Variants in PAWR observed in about 807,000 individuals in gnomAD.
PAWR encodes the protein PRKC apoptosis WT1 regulator protein.
PAWR carries 23 observed loss-of-function variants against 32.0 expected under a neutral mutation model. That is an observed-to-expected ratio of 0.72 (90% CI 0.52 to 1.02). The LOEUF is 1.02. Among genes scored for constraint, PAWR ranks in the 50% least tolerant of loss-of-function variants. PAWR has a pLI of 0.00. For synonymous variants in PAWR, 226 were observed against 187.1 expected (o/e 1.21, Z -1.70); for missense variants, 457 against 437.7 (o/e 1.04, Z -0.39).
At chr12:79,599,314 G>A (rs1873875496) in intron 4 of PAWR, among the ~76,000 whole-genome samples, 1 of 152,174 alleles carries the variant, frequency 6.6e-6, no homozygotes, top group African/African-American at 2.4e-5. Flanking sequence ...ATGAATTAGT[G>A]TTTAATAATA....
At chr12:79,630,484 T>A (rs1016574356) in intron 2 of PAWR, among the ~76,000 whole-genome samples, 5 of 151,948 alleles carry the variant, frequency 3.3e-5, no homozygotes, top group Non-Finnish European at 1.5e-5. Flanking sequence ...ATTTTTAGTA[T>A]AAGAGACGGG....
At chr12:79,631,764 A>G (rs1269043701) in intron 2 of PAWR, among the ~76,000 whole-genome samples, 1 of 152,218 alleles carries the variant, frequency 6.6e-6, no homozygotes, top group Non-Finnish European at 1.5e-5. Flanking sequence ...CAGTTTTTGT[A>G]GAAACTATCA....
chr12:79,655,424 AGG>A (rs1173032395), intron 2 of PAWR, among the ~76,000 whole-genome samples: 1 of 152,220 alleles, frequency 6.6e-6, no homozygotes, highest in African/African-American at 2.4e-5. Context: ...ACTAAAACAT[AGG>A]TTCTTATTCC....
In PAWR at chr12:79,689,965, C is replaced by T; in HGVS notation, c.280G>A (p.Gly94Ser). 1 of 1,373,662 alleles carries T rather than the reference C, an allele frequency of 7.3e-7. No individual in the cohort carries two copies. Among genetic ancestry groups the T allele is most frequent in the Non-Finnish European group, 9.3e-7 (1 of 1,071,116 alleles). The allele number at this position is 1,373,662 out of a possible 1,614,324, so 85.1% of individuals were successfully genotyped here. ...GCCGCCCGCGTCAGCATGGCGGAGC[C>T]GACCGCGCAGTTCACGCCCCCGGGA... ...PGPGGVNCAV[G>S]SAMLTRAAPG... The change falls in exon 2 of 7, where the codon GGC becomes AGC. Residue 94 changes from glycine (G) to serine (S), a missense_variant. By Grantham distance (56) the Gly-to-Ser change is moderately conservative (BLOSUM62 0). Transcript: ENST00000328827.
At chr12:79,605,089 A>G (rs993774856) in intron 4 of PAWR, among the ~76,000 whole-genome samples, 8 of 152,062 alleles carry the variant, frequency 5.3e-5, no homozygotes, top group African/African-American at 1.2e-4. Flanking sequence ...CTTTTTTGTA[A>G]TATGTTCTCT....
At chr12:79,636,483 C>CA (rs1037980334) in intron 2 of PAWR, among the ~76,000 whole-genome samples, 2 of 152,016 alleles carry the variant, frequency 1.3e-5, no homozygotes, top group Non-Finnish European at 2.9e-5. Flanking sequence ...ACTAACTAAA[C>CA]AAGAAAATAC....
chr12:79,663,514 G>A (rs562722902), intron 2 of PAWR, among the ~76,000 whole-genome samples: 26 of 152,164 alleles, frequency 1.7e-4, no homozygotes, highest in Non-Finnish European at 2.9e-4. Flanking sequence ...ATTTTACACC[G>A]TGGGAAGCTG....
At chr12:79,594,564 C>T (rs61927413) in intron 5 of PAWR, 131 bp from the exon 6 acceptor site, 10,437 of 576,040 alleles carry the variant, frequency 0.018, 136 homozygotes, top group Middle Eastern at 0.044. Context: ...TCCCTTAAGA[C>T]ATTTGGTGAA....
chr12:79,608,425 G>A (rs1039994559), intron 4 of PAWR, among the ~76,000 whole-genome samples: 5 of 152,094 alleles, frequency 3.3e-5, no homozygotes, highest in African/African-American at 4.8e-5. Context: ...TAGGGTTCGC[G>A]CGCTCCTATG....
chr12:79,613,681 G>T, intron 3 of PAWR, 72 bp from the exon 4 acceptor site: 1 of 727,616 alleles, frequency 1.4e-6, no homozygotes, highest in South Asian at 2.4e-5. Context: ...TAAAATAGTT[G>T]ATAGAGAATA....
chr12:79,662,225 C>T (rs1350917063), intron 2 of PAWR, among the ~76,000 whole-genome samples: 2 of 128,110 alleles, frequency 1.6e-5, no homozygotes, highest in Non-Finnish European at 3.1e-5. Flanking sequence ...AAAAAAAAAG[C>T]ATACTAATGC....
chr12:79,681,148 G>T, intron 2 of PAWR, among the ~76,000 whole-genome samples: 1 of 127,620 alleles, frequency 7.8e-6, no homozygotes, highest in East Asian at 2.4e-4. Context: ...GGAGGGGTGG[G>T]GAGGGGAGGG....
At position 79,656,028 on chromosome 12, in the gene PAWR, G is replaced by A. The variant is rs184768632; in HGVS notation, c.516+33701C>T. 2.0e-5 allele frequency among the ~76,000 whole-genome samples: 3 copies of A among 152,292 alleles called. No homozygotes were observed. The East Asian group carries it at 5.8e-4, about 29-fold the overall frequency. On this transcript the variant is annotated intron_variant, in intron 2 of 6. Coordinates refer to ENST00000328827, the MANE Select transcript of PAWR (RefSeq NM_002583.4). Reference sequence around the variant, plus strand: ...GGGATAGAACTCCTTCAGGCAAAGGGTAGTAAATCTCAAGATCTGAAGATG... The same window carrying A: ...GGGATAGAACTCCTTCAGGCAAAGGATAGTAAATCTCAAGATCTGAAGATG...
At chr12:79,593,119 G>A (rs973304454) in intron 6 of PAWR, among the ~76,000 whole-genome samples, 1 of 151,938 alleles carries the variant, frequency 6.6e-6, no homozygotes, top group Admixed American at 6.6e-5. Flanking sequence ...TCATCAAAAG[G>A]TGCAGGTACA....
chr12:79,611,142 T>TTA (rs970027793), intron 4 of PAWR, among the ~76,000 whole-genome samples: 15 of 146,738 alleles, frequency 1.0e-4, no homozygotes, highest in East Asian at 2.0e-4. Context: ...TATATAAAAT[T>TTA]TATATATATA....
intron 2 of PAWR, among the ~76,000 whole-genome samples, chr12:79,641,698 T>G (rs538587366): frequency 1.3e-3 from 190 of 151,734 alleles, no homozygotes; most frequent in African/African-American, 4.3e-3. Flanking sequence ...AATACAAAAC[T>G]TAGCTGGGCG....
chr12:79,657,373 T>C (rs1278103029), intron 2 of PAWR, among the ~76,000 whole-genome samples: 1 of 151,456 alleles, frequency 6.6e-6, no homozygotes, highest in East Asian at 1.9e-4. Context: ...AATTGCACAC[T>C]GCAAAAAAAT....
At chr12:79,627,581 G>A (rs1003521303) in intron 2 of PAWR, among the ~76,000 whole-genome samples, 2 of 152,066 alleles carry the variant, frequency 1.3e-5, no homozygotes. Context: ...CTGTGCAGAA[G>A]CTCTTTAGTT....
Position 79,605,612 on chromosome 12 carries a change from T to C in PAWR, c.683+7963A>G, listed in dbSNP as rs771546213. Among the ~76,000 whole-genome samples, 12 of 152,264 alleles carry C rather than the reference T, an allele frequency of 7.9e-5. 1 individual carries two copies. The South Asian group carries it at 8.3e-4, about 11-fold the overall frequency. ...TCACACAAAAACTTGTACATGAATG[T>C]TCACAGCGTATTGCCTATTATATGT... On this transcript the variant is annotated intron_variant, in intron 4 of 6. Coordinates refer to ENST00000328827, the MANE Select transcript of PAWR (RefSeq NM_002583.4).
Sources: gnomAD v4.1 joint callset for allele counts (sites outside exome capture counted in the v4.1 genomes callset) on GRCh38, gnomAD v4.1.1 for gene constraint, MANE v1.5 for transcripts, NCBI Gene and HGNC (gene_info 2026-07-23, HGNC 2026-07-21) for gene names.